Variants in CTIF observed in about 807,000 individuals in gnomAD.
CTIF encodes the protein CBP80/20-dependent translation initiation factor.
A neutral mutation model predicts 66.0 loss-of-function variants in CTIF; 21 were observed. That is an observed-to-expected ratio of 0.32 (90% CI 0.23 to 0.46). The LOEUF (loss-of-function observed/expected upper bound fraction) is 0.46. CTIF is among the 20% of genes least tolerant of loss of function. The pLI is 1.00. For missense variants in CTIF, 739 were observed against 812.7 expected, an observed-to-expected ratio of 0.91 and a Z score of 1.10; for synonymous variants, 345 against 326.4, an observed-to-expected ratio of 1.06 and a Z score of -0.62.
intron 1 of CTIF, among the ~76,000 whole-genome samples, chr18:48,577,823 T>C (rs943357900): frequency 9.9e-5 from 15 of 152,234 alleles, no homozygotes; most frequent in Non-Finnish European, 1.8e-4. Flanking sequence ...GATCCGCCCA[T>C]CTGGGCCTCC....
intron 10 of CTIF, among the ~76,000 whole-genome samples, chr18:48,819,698 A>T (rs766397749): frequency 1.3e-5 from 2 of 152,226 alleles, no homozygotes; most frequent in African/African-American, 2.4e-5. Context: ...GCTCATGGTA[A>T]ACTTGAAGAA....
At chr18:48,631,924 C>T (rs926330273) in intron 2 of CTIF, among the ~76,000 whole-genome samples, 8 of 152,158 alleles carry the variant, frequency 5.3e-5, no homozygotes, top group African/African-American at 1.9e-4. Flanking sequence ...AGGAGCGGGT[C>T]TGGAGAGGTG....
In CTIF at chr18:48,817,261, T is replaced by C; in HGVS notation, c.1412T>C (p.Val471Ala). 6.2e-7 allele frequency: 1 copy of C among 1,614,026 alleles called. No individual in the cohort carries two copies. The highest frequency in any genetic ancestry group is 8.5e-7 in the Non-Finnish European group (1 of 1,179,966). Reference sequence around the variant, plus strand: ...CGCGAGGAGCTGCAGCAGCAGGACGTGGAGCGCTGGCTGGGCTTCATCACC... The same window carrying C: ...CGCGAGGAGCTGCAGCAGCAGGACGCGGAGCGCTGGCTGGGCTTCATCACC... ...TVREELQQQD[V>A]ERWLGFITFL... Residue 471 changes from valine (V) to alanine (A), a missense_variant, in exon 10 of 12, where the codon GTG (valine) becomes GCG (alanine). Transcript: ENST00000256413.
Position 48,619,629 on chromosome 18 carries a change from G to C in CTIF, c.64G>C (p.Glu22Gln), listed in dbSNP as rs1268738342. 2 of 1,604,854 alleles carry C rather than the reference G, an allele frequency of 1.2e-6. No individual in the cohort carries two copies. Among genetic ancestry groups the C allele is most frequent in the Non-Finnish European group, 1.7e-6 (2 of 1,176,098 alleles). Residue 22 changes from glutamate to glutamine, a missense_variant, in exon 2 of 12, where the codon GAG becomes CAG. Glu to Gln is a conservative substitution (Grantham distance 29). Around this residue, in one of 2 missense-constraint regions of CTIF, gnomAD observed 529 missense variants for 520.3 expected, o/e 1.02. Coordinates refer to ENST00000256413, the MANE Select transcript of CTIF (RefSeq NM_014772.3). ...EAGSSRSQEI[E>Q]ELERFIDSYV... ...AGGGAGCAGCCGCTCCCAGGAGATC[G>C]AGGAGCTGGAGCGCTTCATCGACAG... is the stretch of plus-strand genomic sequence containing the variant.
intron 10 of CTIF, among the ~76,000 whole-genome samples, chr18:48,853,627 C>A (rs2069258746): frequency 6.6e-6 from 1 of 152,178 alleles, no homozygotes; most frequent in Admixed American, 6.5e-5. Flanking sequence ...CCAGTTCTGA[C>A]CAAGTTACCA....
intron 9 of CTIF, among the ~76,000 whole-genome samples, chr18:48,795,200 G>A (rs973886128): frequency 1.3e-5 from 2 of 152,108 alleles, no homozygotes; most frequent in African/African-American, 4.8e-5. Context: ...CATGGACTTA[G>A]TTGCCAGAGA....
chr18:48,736,952 C>T (rs1007289123), intron 7 of CTIF, among the ~76,000 whole-genome samples: 24 of 152,280 alleles, frequency 1.6e-4, no homozygotes, highest in African/African-American at 4.8e-4. Context: ...ACTGCATCTG[C>T]TCAAACTGCT....
rs572527562 is a variant in CTIF at position 48,636,663 on chromosome 18, G to A, written c.230G>A (p.Arg77Gln). ...EPLDSSCSFS[R>Q]GRAPPQQNGS... ...CTGGACAGCAGCTGTTCCTTCTCCC[G>A]AGGGCGAGCCCCCCCACAGCAGGTA... is the stretch of plus-strand genomic sequence containing the variant. Residue 77 changes from arginine (R) to glutamine (Q), a missense_variant, in exon 3 of 12, where the codon CGA becomes CAA. Coordinates refer to ENST00000256413, the MANE Select transcript of CTIF (RefSeq NM_014772.3). 26 of 1,601,004 alleles carry A rather than the reference G, an allele frequency of 1.6e-5. No homozygotes were observed. The highest frequency in any genetic ancestry group is 1.3e-4 in the African/African-American group (10 of 74,534).
chr18:48,568,633 T>TAAAAAAAAAAAAAAAA lies in CTIF; in HGVS notation c.-29+29341_-29+29356dup, dbSNP rs58084631. Among the ~76,000 whole-genome samples, 256 of 36,626 alleles carry TAAAAAAAAAAAAAAAA rather than the reference T, an allele frequency of 7.0e-3. 44 individuals are homozygous for TAAAAAAAAAAAAAAAA. Among genetic ancestry groups the TAAAAAAAAAAAAAAAA allele is most frequent in the East Asian group, 0.011 (13 of 1,172 alleles). The allele number at this position is 36,626 out of a possible 152,430, so 24.0% of individuals were successfully genotyped here. The stretch of plus-strand genomic sequence containing the variant: ...GAAATACCTGAGACTGGGCAATTTG[T>TAAAAAAAAAAAAAAAA]AAAAAAAAAAAAAAAAAAAAAAAAA... On this transcript the variant is annotated intron_variant, in intron 1 of 11. Transcript: ENST00000256413.
intron 1 of CTIF, among the ~76,000 whole-genome samples, chr18:48,599,337 T>A (rs2090048275): frequency 6.6e-6 from 1 of 152,008 alleles, no homozygotes; most frequent in Non-Finnish European, 1.5e-5. Flanking sequence ...AGGTTTTTTT[T>A]TTTCTTGTTC....
At chr18:48,791,147 G>C (rs1004793343) in intron 9 of CTIF, among the ~76,000 whole-genome samples, 1 of 152,238 alleles carries the variant, frequency 6.6e-6, no homozygotes, top group African/African-American at 2.4e-5. Context: ...GGCCAAAGGA[G>C]GGACACATGT....
intron 1 of CTIF, chr18:48,539,772 A>G (rs1347484145): frequency 6.6e-6 from 1 of 152,654 alleles, no homozygotes; most frequent in Non-Finnish European, 1.5e-5. Context: ...CATTTGCTGC[A>G]TCGAGCAGTT....
intron 10 of CTIF, among the ~76,000 whole-genome samples, chr18:48,829,743 A>T (rs1027315433): frequency 2.0e-5 from 3 of 152,200 alleles, no homozygotes; most frequent in African/African-American, 7.2e-5. Context: ...CTGCACTAAG[A>T]GCCGAGGGTG....
intron 2 of CTIF, among the ~76,000 whole-genome samples, chr18:48,636,164 A>C (rs2090818057): frequency 6.6e-6 from 1 of 152,202 alleles, no homozygotes; most frequent in African/African-American, 2.4e-5. Flanking sequence ...CCTGGTGCCA[A>C]ACCCATCATC....
chr18:48,600,234 AG>A (rs2090066607), intron 1 of CTIF, among the ~76,000 whole-genome samples: 1 of 152,084 alleles, frequency 6.6e-6, no homozygotes, highest in Non-Finnish European at 1.5e-5. Context: ...GGGCTGACAC[AG>A]GAAGTAACAA....
At chr18:48,750,397 A>G (rs985961462) in intron 7 of CTIF, among the ~76,000 whole-genome samples, 4 of 152,234 alleles carry the variant, frequency 2.6e-5, no homozygotes, top group African/African-American at 9.6e-5. Context: ...GAGTATCCCC[A>G]AGAAAGCCTT....
chr18:48,810,506 C>T (rs578034914), intron 9 of CTIF, among the ~76,000 whole-genome samples: 4 of 152,144 alleles, frequency 2.6e-5, no homozygotes, highest in Admixed American at 6.5e-5. Context: ...GTTGTTAATT[C>T]ATAGTCCCAG....
intron 3 of CTIF, among the ~76,000 whole-genome samples, chr18:48,648,865 A>T (rs2091102322): frequency 6.6e-6 from 1 of 152,194 alleles, no homozygotes; most frequent in African/African-American, 2.4e-5. Context: ...CACGCCTGTG[A>T]TCCCAGCACT....
chr18:48,755,145 A>G (rs1296413177), intron 7 of CTIF, among the ~76,000 whole-genome samples: 3 of 152,236 alleles, frequency 2.0e-5, no homozygotes, highest in Non-Finnish European at 2.9e-5. Context: ...CTAAATAAGG[A>G]TGACGAAAGT....
Sources: allele counts gnomAD v4.1 joint callset (sites outside exome capture counted in the v4.1 genomes callset), GRCh38; gene constraint gnomAD v4.1.1; regional missense constraint gnomAD v4.1.1; transcripts MANE v1.5; gene names NCBI Gene and HGNC (gene_info 2026-07-23, HGNC 2026-07-21).